TAT: variants seen among roughly 807,000 people sequenced by gnomAD.
TAT encodes the protein L-tyrosine:2-oxoglutarate aminotransferase.
In TAT, 35 loss-of-function variants were observed where a neutral mutation model predicts 53.6. The observed-to-expected ratio is 0.65, with a 90% CI of 0.50 to 0.87. TAT has a LOEUF of 0.87. Ranked by LOEUF, TAT falls within the 40% of genes least tolerant of loss-of-function variation. The pLI, the probability that TAT is intolerant of heterozygous loss-of-function variation, is 0.00. For synonymous variants in TAT, 197 were observed against 206.5 expected, an observed-to-expected ratio of 0.95 and a Z score of 0.39; for missense variants, 525 against 571.8, an observed-to-expected ratio of 0.92 and a Z score of 0.83.
chr16:71,569,225 C>A (rs150414650), intron 10 of TAT, among the ~76,000 whole-genome samples: 2 of 152,300 alleles, frequency 1.3e-5, no homozygotes, highest in African/African-American at 4.8e-5. Flanking sequence ...CTTAGGGAAC[C>A]AGTATCACTC....
In TAT at chr16:71,573,653, T is replaced by G. The variant is rs780256224; in HGVS notation, c.341-47A>C. On this transcript the variant is annotated intron_variant, in intron 3 of 11. Coordinates refer to ENST00000355962, the MANE Select transcript of TAT (RefSeq NM_000353.3). ...TGGAGCTTTTTTGGTTTTTAGAGAC[T>G]GTGTCTCACTCTGTCACCCGGACTT... 8.7e-6 allele frequency: 13 copies of G among 1,497,524 alleles called. No individual in the cohort carries two copies. The South Asian group carries it at 1.6e-4, about 18-fold the overall frequency. 92.8% of individuals were successfully genotyped at this position (1,497,524 alleles called of 1,614,324 possible). A position where few individuals can be genotyped will look rare whatever the true frequency, so the allele number is the denominator to read the frequency against.
At chr16:71,572,455 T>G in intron 5 of TAT, 75 bp downstream of exon 5, 1 of 1,609,782 alleles carries the variant, frequency 6.2e-7, no homozygotes, top group African/African-American at 1.3e-5. Flanking sequence ...GACCTTCCTC[T>G]GCTGAAGTAA....
chr16:71,565,960 G>A lies in TAT; in HGVS notation c.*2184C>T, dbSNP rs1310625503. ...AAAATCAGGAATTTAAGAAGTCTAAGAATTCTGTAATGCTGGGTAGAATTT... is the reference window on the plus strand; with the variant it reads ...AAAATCAGGAATTTAAGAAGTCTAAAAATTCTGTAATGCTGGGTAGAATTT... On this transcript the variant is annotated 3_prime_UTR_variant, in exon 12 of 12. Transcript: ENST00000355962. The A allele has an allele frequency of 6.6e-6, 1 of 152,176 alleles. No individual in the cohort carries two copies. Among genetic ancestry groups the A allele is most frequent in the African/African-American group, 2.4e-5 (1 of 41,436 alleles). The allele number at this position is 152,176 out of a possible 1,614,324, so 9.4% of individuals were successfully genotyped here. A position where few individuals can be genotyped will look rare whatever the true frequency, so the allele number is the denominator to read the frequency against.
intron 3 of TAT, chr16:71,575,370 A>G (rs2044228133): frequency 6.4e-6 from 1 of 157,290 alleles, no homozygotes; most frequent in South Asian, 1.9e-4. Flanking sequence ...AATCTATCAG[A>G]AACAACCTTC....
rs985891210 is a variant in TAT at position 71,565,997 on chromosome 16, A to G, written c.*2147T>C. The G allele has an allele frequency of 6.6e-6, 1 of 152,240 alleles. No individual in the cohort carries two copies. The highest frequency in any genetic ancestry group is 2.4e-5 in the African/African-American group (1 of 41,468). 9.4% of individuals were successfully genotyped at this position (152,240 alleles called of 1,614,324 possible). ...GCTGGGTAGAATTTTCTGTACGTGT[A>G]AAACTAAAATGTCTTTTGTAAATCA... On this transcript the variant is annotated 3_prime_UTR_variant, in exon 12 of 12. Coordinates refer to ENST00000355962, the MANE Select transcript of TAT (RefSeq NM_000353.3).
intron 3 of TAT, among the ~76,000 whole-genome samples, chr16:71,574,891 A>G (rs560358605): frequency 6.6e-6 from 1 of 152,298 alleles, no homozygotes; most frequent in African/African-American, 2.4e-5. Flanking sequence ...ACAAATCAGC[A>G]CTTCCTTAAT....
intron 3 of TAT, among the ~76,000 whole-genome samples, chr16:71,574,399 G>A (rs2044223258): frequency 6.6e-6 from 1 of 151,982 alleles, no homozygotes; most frequent in Non-Finnish European, 1.5e-5. Context: ...TGACCAACAT[G>A]GAGAAATCTC....
At chr16:71,570,974 G>A (rs1011547750) in intron 7 of TAT, 143 bp from the exon 8 acceptor site, 3 of 1,064,526 alleles carry the variant, frequency 2.8e-6, no homozygotes, top group South Asian at 1.4e-5. Flanking sequence ...AGCATGACTG[G>A]GATTGCAAGA....
intron 3 of TAT, 129 bp from the exon 4 acceptor site, chr16:71,573,735 A>T: frequency 1.3e-6 from 1 of 787,520 alleles, no homozygotes; most frequent in African/African-American, 1.7e-5. Context: ...GGCTCAAGGG[A>T]TCCTCCCACC....
chr16:71,569,733 G>A (rs1227372314), intron 10 of TAT, 121 bp downstream of exon 10: 7 of 888,190 alleles, frequency 7.9e-6, no homozygotes, highest in South Asian at 1.4e-5. Context: ...TAAACTGCTT[G>A]GCTTAGGAGG....
Position 71,568,256 on chromosome 16 carries a change from A to G in TAT, c.1253T>C (p.Val418Ala), listed in dbSNP as rs1413625018. ...TCFEYPNFIR[V>A]VITVPEVMML... is the part of the protein sequence containing the mutation. ...CATCACCTCGGGGACTGTGATGACC[A>G]CTCGGATGAAATTCGGGTACTCAAA... The change falls in exon 12 of 12, where the codon GTG (valine) becomes GCG (alanine). Residue 418 changes from valine to alanine, a missense_variant. Transcript: ENST00000355962. 1 of 1,614,162 alleles carries G rather than the reference A, an allele frequency of 6.2e-7. No individual in the cohort carries two copies. The highest frequency in any genetic ancestry group is 8.5e-7 in the Non-Finnish European group (1 of 1,180,030).
At chr16:71,575,152 G>A (rs780833691) in intron 3 of TAT, 5 of 152,096 alleles carry the variant, frequency 3.3e-5, no homozygotes, top group Admixed American at 2.6e-4. Flanking sequence ...GAAAAACCAC[G>A]AAGTCCCCGA....
intron 6 of TAT, 104 bp downstream of exon 6, chr16:71,572,082 C>A (rs2044206911): frequency 1.4e-6 from 2 of 1,474,224 alleles, no homozygotes; most frequent in East Asian, 4.5e-5. Context: ...TCCCCACCTC[C>A]ACCCCAGGCT....
Position 71,572,209 on chromosome 16 carries a change from C to G in TAT, c.683G>C (p.Arg228Pro), listed in dbSNP as rs554840029. 4.3e-5 allele frequency: 69 copies of G among 1,614,070 alleles called. No homozygotes were observed. Among genetic ancestry groups the G allele is most frequent in the Non-Finnish European group, 5.3e-5 (63 of 1,180,032 alleles). Residue 228 changes from arginine to proline, a missense_variant, in exon 6 of 12, where the codon CGT becomes CCT. Physicochemically the swap from Arg to Pro is moderately radical, Grantham distance 103 (BLOSUM62 -2). Transcript: ENST00000355962. ...ACCTGCCAGAATCTTCTGAAGATGA[C>G]GTTTGCTGAACACTGACCCACAGGG... is the stretch of plus-strand genomic sequence containing the variant. ...SNPCGSVFSK[R>P]HLQKILAVAA...
chr16:71,571,578 G>A, intron 7 of TAT, 28 bp downstream of exon 7: 2 of 1,595,312 alleles, frequency 1.3e-6, no homozygotes, highest in Non-Finnish European at 1.7e-6. Context: ...TGAGATTACT[G>A]TAGTGATATA....
intron 8 of TAT, 43 bp downstream of exon 8, chr16:71,570,636 A>G (rs748780498): frequency 9.3e-6 from 15 of 1,613,678 alleles, no homozygotes; most frequent in Middle Eastern, 1.6e-4. Flanking sequence ...CATGAAATAA[A>G]TATATACCCT....
At chr16:71,571,682 C>T in intron 6 of TAT, 24 bp from the exon 7 acceptor site, 1 of 1,611,662 alleles carries the variant, frequency 6.2e-7, no homozygotes, top group Non-Finnish European at 8.5e-7. Context: ...ATGCTGAAAT[C>T]AGTTTTAATG....
intron 9 of TAT, 114 bp downstream of exon 9, chr16:71,570,132 TGTGTGGATGCTTACACCGATGCC>T: frequency 6.9e-7 from 1 of 1,441,048 alleles, no homozygotes; most frequent in Non-Finnish European, 9.5e-7. Context: ...GAGAAACGTG[TGTGTGGATGCTTACACCGATGCC>T]GTCTCCTAAT....
In TAT at chr16:71,568,300, TCTGTTA is replaced by T; in HGVS notation, c.1225-22_1225-17del. 6.2e-7 allele frequency: 1 copy of T among 1,613,400 alleles called. No individual in the cohort carries two copies. Among genetic ancestry groups the T allele is most frequent in the East Asian group, 2.2e-5 (1 of 44,840 alleles). On this transcript the variant is annotated splice_polypyrimidine_tract_variant and intron_variant, in intron 11 of 11. Coordinates refer to ENST00000355962, the MANE Select transcript of TAT (RefSeq NM_000353.3). ...ACTCAAAGCACTGCAAAAAGAAGAG[TCTGTTA>T]CTTTCAGAGCAATTGAGTCTGGTAC...
Sources: allele counts gnomAD v4.1 joint callset (sites outside exome capture counted in the v4.1 genomes callset), GRCh38; gene constraint gnomAD v4.1.1; transcripts MANE v1.5; gene names NCBI Gene and HGNC (gene_info 2026-07-23, HGNC 2026-07-21).